KIRREL3: variants seen among roughly 807,000 people sequenced by gnomAD.
KIRREL3 encodes the protein kirre like nephrin family adhesion molecule 3.
In KIRREL3, 36 loss-of-function variants were observed where a neutral mutation model predicts 89.7. The ratio of observed to expected loss-of-function variants is 0.40; its 90% CI spans 0.31 to 0.53. KIRREL3 has a LOEUF of 0.53. Among genes scored for constraint, KIRREL3 ranks in the 20% least tolerant of loss-of-function variants. The pLI is 0.49. For missense variants in KIRREL3, 864 were observed against 1,056.6 expected (o/e 0.82, Z 2.53); for synonymous variants, 445 against 441.4 (o/e 1.01, Z -0.10).
chr11:127,002,422 A>G (rs1489803663), upstream of KIRREL3, among the ~76,000 whole-genome samples: 2 of 152,264 alleles, frequency 1.3e-5, no homozygotes, highest in Non-Finnish European at 2.9e-5. Flanking sequence ...CAAACAAGTT[A>G]CTGAAGCAGT....
In KIRREL3 at chr11:126,551,059, G is replaced by A. The variant is rs1430685540; in HGVS notation, c.133+11776C>T. ...TGCTAGAGTGGCACGAAGACCTCAGGGAAACACTTACCTATGTTTACAGTT... is the reference window on the plus strand; with the variant it reads ...TGCTAGAGTGGCACGAAGACCTCAGAGAAACACTTACCTATGTTTACAGTT... On this transcript the variant is annotated intron_variant, in intron 2 of 16. Coordinates refer to ENST00000525144, the MANE Select transcript of KIRREL3 (RefSeq NM_032531.4). This position sits in a 1 kb window ranked among gnomAD's most constrained non-coding sequence, Gnocchi z 4.9. 1.9e-4 allele frequency among the ~76,000 whole-genome samples: 29 copies of A among 152,110 alleles called. No individual in the cohort carries two copies. Among genetic ancestry groups the A allele is most frequent in the Admixed American group, 1.9e-3 (29 of 15,262 alleles).
intron 9 of KIRREL3, 150 bp downstream of exon 9, chr11:126,446,609 T>A: frequency 1.1e-6 from 1 of 908,582 alleles, no homozygotes; most frequent in Non-Finnish European, 1.6e-6. Context: ...GGGTTCCCCC[T>A]CCTCTTTCTG....
rs542881656 is a variant in KIRREL3, at chr11:126,635,825, G to A, written c.56-72913C>T. Reference sequence around the variant, plus strand: ...AAATACCAGGTAAAAGGCAGAGTGTGTCCCATGAATGAGACACCCTGTCCT... The same window carrying A: ...AAATACCAGGTAAAAGGCAGAGTGTATCCCATGAATGAGACACCCTGTCCT... On this transcript the variant is annotated intron_variant, in intron 1 of 16. Coordinates refer to ENST00000525144, the MANE Select transcript of KIRREL3 (RefSeq NM_032531.4). This position sits in a 1 kb window ranked among gnomAD's most constrained non-coding sequence, Gnocchi z 4.0. Among the ~76,000 whole-genome samples the A allele has an allele frequency of 6.6e-6, 1 of 152,360 alleles. No individual in the cohort carries two copies. The highest frequency in any genetic ancestry group is 2.4e-5 in the African/African-American group (1 of 41,580).
In KIRREL3 at chr11:126,873,653, G is replaced by A. The variant is rs146274659; in HGVS notation, c.55+126802C>T. Among the ~76,000 whole-genome samples the A allele has an allele frequency of 2.1e-3, 326 of 152,250 alleles. 1 individual carries two copies. The highest frequency in any genetic ancestry group is 7.1e-3 in the African/African-American group (296 of 41,540). On this transcript the variant is annotated intron_variant, in intron 1 of 16. Transcript: ENST00000525144. ...TTAAAAGCTGAGGAGAAGAGTGGGCGAGTCATACCCTGCACACACATGTCC... is the reference window on the plus strand; with the variant it reads ...TTAAAAGCTGAGGAGAAGAGTGGGCAAGTCATACCCTGCACACACATGTCC...
rs908145116 is a variant in KIRREL3 at position 126,954,960 on chromosome 11, C to A, written c.55+45495G>T. 5.9e-5 allele frequency among the ~76,000 whole-genome samples: 9 copies of A among 152,138 alleles called. No individual in the cohort carries two copies. The highest frequency in any genetic ancestry group is 2.2e-4 in the African/African-American group (9 of 41,422). ...CATTCCCTCTCCTTGTCACATCTGA[C>A]CAGTGGTTCATACAGATGTGTTACA... On this transcript the variant is annotated intron_variant, in intron 1 of 16. Transcript: ENST00000525144. This position sits in a 1 kb window ranked among gnomAD's most constrained non-coding sequence, Gnocchi z 4.1.
intron 1 of KIRREL3, among the ~76,000 whole-genome samples, chr11:126,638,796 T>C (rs1206080400): frequency 6.6e-6 from 1 of 152,122 alleles, no homozygotes; most frequent in African/African-American, 2.4e-5. Flanking sequence ...TGTGGAGGAA[T>C]CGCTATGTGA....
chr11:126,446,816 G>A lies in KIRREL3; in HGVS notation c.1068C>T (p.Cys356=), dbSNP rs760302120. 26 of 1,601,644 alleles carry A rather than the reference G, an allele frequency of 1.6e-5. No individual in the cohort carries two copies. The Admixed American group carries it at 1.9e-4, about 12-fold the overall frequency. Residue 356 remains cysteine, a synonymous_variant, in exon 9 of 17, where the codon TGC becomes TGT. Transcript: ENST00000525144. ...TCAGGGATGGGTTGCCGGTCCAGGC[G>A]CAGCTGAAGATGGCATCAGAGCCCA... ...VDLGSDAIFS[C]AWTGNPSLTI... is the part of the protein sequence containing the mutation.
rs1860609193 is a variant in KIRREL3, at chr11:126,490,702, C to G, written c.434-17236G>C. Among the ~76,000 whole-genome samples, 1 of 152,176 alleles carries G rather than the reference C, an allele frequency of 6.6e-6. No individual in the cohort carries two copies. Among genetic ancestry groups the G allele is most frequent in the Non-Finnish European group, 1.5e-5 (1 of 68,034 alleles). On this transcript the variant is annotated intron_variant, in intron 4 of 16. Transcript: ENST00000525144. This position sits in a 1 kb window ranked among gnomAD's most constrained non-coding sequence, Gnocchi z 4.2. ...CCATGGGATGGCATTTGTGACGTCC[C>G]CAGAACAGGGCTCAGTGAATGCTCA...
chr11:126,426,646 T>G (rs980259348), intron 15 of KIRREL3, among the ~76,000 whole-genome samples: 4 of 152,212 alleles, frequency 2.6e-5, no homozygotes, highest in Non-Finnish European at 5.9e-5. Flanking sequence ...ACAGTGATGC[T>G]TAACCTGTGA....
At position 126,522,323 on chromosome 11, in the gene KIRREL3, A is replaced by G. The variant is rs1958624122; in HGVS notation, c.284-859T>C. On this transcript the variant is annotated intron_variant, in intron 3 of 16. Coordinates refer to ENST00000525144, the MANE Select transcript of KIRREL3 (RefSeq NM_032531.4). This position sits in a 1 kb window ranked among gnomAD's most constrained non-coding sequence, Gnocchi z 6.0. ...GAAGGAAAAAGAGAAATGTTTGGAAAAGGATCAAGAGTGACTTTGCAAAAA... is the reference window on the plus strand; with the variant it reads ...GAAGGAAAAAGAGAAATGTTTGGAAGAGGATCAAGAGTGACTTTGCAAAAA... Among the ~76,000 whole-genome samples, 1 of 152,188 alleles carries G rather than the reference A, an allele frequency of 6.6e-6. No homozygotes were observed. Among genetic ancestry groups the G allele is most frequent in the East Asian group, 1.9e-4 (1 of 5,184 alleles).
At chr11:126,469,949 C>A (rs1469908805) in intron 5 of KIRREL3, among the ~76,000 whole-genome samples, 1 of 152,220 alleles carries the variant, frequency 6.6e-6, no homozygotes, top group Admixed American at 6.5e-5. Context: ...GAGTGAGTTG[C>A]CTGAGGTTAT....
rs1370797683 is a variant in KIRREL3 at position 126,491,681 on chromosome 11, G to A, written c.434-18215C>T. Among the ~76,000 whole-genome samples the A allele has an allele frequency of 6.6e-6, 1 of 152,060 alleles. No individual in the cohort carries two copies. The highest frequency in any genetic ancestry group is 1.5e-5 in the Non-Finnish European group (1 of 68,004). ...TTTGTGCTCCCCACACACAGATTTG[G>A]ATGTTTTTCTTTTTTTCTTTTTTCT... On this transcript the variant is annotated intron_variant, in intron 4 of 16. Transcript: ENST00000525144. The surrounding 1 kb of genome is among the most constrained non-coding windows in gnomAD (Gnocchi z 5.5).
At chr11:126,958,431 T>C (rs541063696) in intron 1 of KIRREL3, among the ~76,000 whole-genome samples, 1 of 152,366 alleles carries the variant, frequency 6.6e-6, no homozygotes, top group East Asian at 1.9e-4. Flanking sequence ...CATTGTGTGA[T>C]GAGGTCTAAC....
chr11:126,655,090 A>G lies in KIRREL3; in HGVS notation c.56-92178T>C, dbSNP rs1945076404. Among the ~76,000 whole-genome samples, 1 of 152,348 alleles carries G rather than the reference A, an allele frequency of 6.6e-6. No individual in the cohort carries two copies. Among genetic ancestry groups the G allele is most frequent in the African/African-American group, 2.4e-5 (1 of 41,592 alleles). On this transcript the variant is annotated intron_variant, in intron 1 of 16. Transcript: ENST00000525144. This position sits in a 1 kb window ranked among gnomAD's most constrained non-coding sequence, Gnocchi z 5.0. Reference sequence around the variant, plus strand: ...CTGTGGGCAGGTGGTGGTGGAGCACATCTGTCTCTCTCCGTGTTGGTGGCT... The same window carrying G: ...CTGTGGGCAGGTGGTGGTGGAGCACGTCTGTCTCTCTCCGTGTTGGTGGCT...
Position 126,525,134 on chromosome 11 carries a change from G to A in KIRREL3, c.283+1404C>T, listed in dbSNP as rs537950409. On this transcript the variant is annotated intron_variant, in intron 3 of 16. Coordinates refer to ENST00000525144, the MANE Select transcript of KIRREL3 (RefSeq NM_032531.4). This position sits in a 1 kb window ranked among gnomAD's most constrained non-coding sequence, Gnocchi z 5.4. The stretch of plus-strand genomic sequence containing the variant: ...AGTTATCCATGCTGAGATGACCACC[G>A]TATGCACTATCCCTGCTGACCTGAG... 2.6e-5 allele frequency among the ~76,000 whole-genome samples: 4 copies of A among 152,126 alleles called. No homozygotes were observed. The highest frequency in any genetic ancestry group is 4.4e-5 in the Non-Finnish European group (3 of 68,028).
In KIRREL3 at chr11:126,734,206, T is replaced by C. The variant is rs1473944628; in HGVS notation, c.56-171294A>G. On this transcript the variant is annotated intron_variant, in intron 1 of 16. Transcript: ENST00000525144. This position sits in a 1 kb window ranked among gnomAD's most constrained non-coding sequence, Gnocchi z 5.9. ...AAAGAAAATAGGCATTTCACGGCTG[T>C]TCTCTCCCAAGTCCCATGCTTTCAT... Among the ~76,000 whole-genome samples, 2 of 152,208 alleles carry C rather than the reference T, an allele frequency of 1.3e-5. No homozygotes were observed. Among genetic ancestry groups the C allele is most frequent in the African/African-American group, 4.8e-5 (2 of 41,460 alleles).
intron 1 of KIRREL3, among the ~76,000 whole-genome samples, chr11:126,681,588 G>A (rs1242767893): frequency 2.1e-5 from 3 of 143,622 alleles, no homozygotes; most frequent in Admixed American, 6.9e-5. Context: ...CCATGTGTGT[G>A]CTCCTGGGAA....
rs771305637 is a variant in KIRREL3 at position 126,424,997 on chromosome 11, G to T, written c.1920C>A (p.Val640=). ...LKDPTNGYYS[V]NTFKEHHSTP... is the part of the protein sequence containing the mutation. ...TTGAGTGGTGCTCTTTGAAGGTGTTGACGCTGTAGTAGCCATTGGTGGGGT... is the reference window on the plus strand; with the variant it reads ...TTGAGTGGTGCTCTTTGAAGGTGTTTACGCTGTAGTAGCCATTGGTGGGGT... The change falls in exon 17 of 17, where the codon GTC becomes GTA. Residue 640 remains valine, a synonymous_variant. Coordinates refer to ENST00000525144, the MANE Select transcript of KIRREL3 (RefSeq NM_032531.4). 5.8e-6 allele frequency: 9 copies of T among 1,554,430 alleles called. No homozygotes were observed. The African/African-American group carries it at 9.5e-5, about 16-fold the overall frequency.
rs888401167 is a variant in KIRREL3 at position 126,978,807 on chromosome 11, G to A, written c.55+21648C>T. The stretch of plus-strand genomic sequence containing the variant: ...TGCTCCCACAGGAGCTACCATATGT[G>A]GATGTCCCCTGGGTCCCTACCTCTC... On this transcript the variant is annotated intron_variant, in intron 1 of 16. Coordinates refer to ENST00000525144, the MANE Select transcript of KIRREL3 (RefSeq NM_032531.4). The surrounding 1 kb of genome is among the most constrained non-coding windows in gnomAD (Gnocchi z 4.2). Among the ~76,000 whole-genome samples the A allele has an allele frequency of 1.3e-5, 2 of 152,120 alleles. No homozygotes were observed. Among genetic ancestry groups the A allele is most frequent in the African/African-American group, 4.8e-5 (2 of 41,436 alleles).
Sources: gnomAD v4.1 joint callset for allele counts (sites outside exome capture counted in the v4.1 genomes callset) on GRCh38, gnomAD v4.1.1 for gene constraint, Gnocchi (gnomAD v3.1) non-coding constraint, MANE v1.5 for transcripts, NCBI Gene and HGNC (gene_info 2026-07-23, HGNC 2026-07-21) for gene names.